Variants in USP46 observed in about 807,000 individuals in gnomAD.
The protein encoded by USP46 is ubiquitin carboxyl-terminal hydrolase 46.
A neutral mutation model predicts 44.4 loss-of-function variants in USP46; 12 were observed. The ratio of observed to expected loss-of-function variants is 0.27; its 90% CI spans 0.17 to 0.44. The LOEUF (loss-of-function observed/expected upper bound fraction) is 0.44, where lower values mean the gene tolerates loss of function less well. Ranked by LOEUF, USP46 falls within the 20% of genes least tolerant of loss-of-function variation. The pLI is 1.00. For synonymous variants in USP46, 155 were observed against 161.5 expected (o/e 0.96, Z 0.31); for missense variants, 248 against 444.8 (o/e 0.56, Z 3.98).
At position 52,656,500 on chromosome 4, in the gene USP46, A is replaced by G. The variant is rs566292842; in HGVS notation, c.36+2615T>C. 6.7e-5 allele frequency: 96 copies of G among 1,441,120 alleles called. No individual in the cohort carries two copies. The East Asian group carries it at 2.4e-3, about 35-fold the overall frequency. 89.3% of individuals were successfully genotyped at this position (1,441,120 alleles called of 1,614,324 possible). A position where few individuals can be genotyped will look rare whatever the true frequency, so the allele number is the denominator to read the frequency against. On this transcript the variant is annotated intron_variant, in intron 1 of 8. Coordinates refer to ENST00000441222, the MANE Select transcript of USP46 (RefSeq NM_022832.4). ...GATTCCCACTCCAGCCTTCCTATAC[A>G]TGGGAGGTGTTTATATTAGTGGTTG...
At chr4:52,597,999 C>T (rs953368500) in intron 8 of USP46, among the ~76,000 whole-genome samples, 39 of 152,162 alleles carry the variant, frequency 2.6e-4, no homozygotes, top group African/African-American at 9.2e-4. Context: ...GAAGAACAAG[C>T]CAAGACATCT....
intron 4 of USP46, among the ~76,000 whole-genome samples, chr4:52,613,721 CAAA>C (rs59351260): frequency 7.8e-5 from 6 of 77,060 alleles, no homozygotes; most frequent in Admixed American, 1.5e-4. Flanking sequence ...GACTCCATCT[CAAA>C]AAAAAAAAAA....
intron 1 of USP46, among the ~76,000 whole-genome samples, chr4:52,657,769 G>A (rs1719009723): frequency 6.6e-6 from 1 of 152,216 alleles, no homozygotes; most frequent in Non-Finnish European, 1.5e-5. Flanking sequence ...CAGTACCTGT[G>A]CAGCTATCAC....
chr4:52,657,174 C>T (rs1249573851), intron 1 of USP46, among the ~76,000 whole-genome samples: 1 of 151,984 alleles, frequency 6.6e-6, no homozygotes, highest in Non-Finnish European at 1.5e-5. Context: ...ATTACTGGTT[C>T]CTCACTTCAT....
intron 4 of USP46, among the ~76,000 whole-genome samples, chr4:52,611,216 A>G (rs957733254): frequency 6.6e-6 from 1 of 152,162 alleles, no homozygotes; most frequent in Non-Finnish European, 1.5e-5. Flanking sequence ...CAATGACCAG[A>G]CCTGGGGCTG....
intron 4 of USP46, among the ~76,000 whole-genome samples, chr4:52,611,981 G>A (rs1454358250): frequency 2.0e-5 from 3 of 152,140 alleles, no homozygotes; most frequent in Non-Finnish European, 4.4e-5. Context: ...ATATAAAGTC[G>A]ATGGCTTCAG....
At chr4:52,644,675 TC>T in intron 1 of USP46, among the ~76,000 whole-genome samples, 1 of 149,264 alleles carries the variant, frequency 6.7e-6, no homozygotes, top group East Asian at 2.0e-4. Flanking sequence ...AAAATTGTCT[TC>T]CACAAAACCT....
At chr4:52,635,545 A>G (rs1360480201) in intron 1 of USP46, among the ~76,000 whole-genome samples, 2 of 151,904 alleles carry the variant, frequency 1.3e-5, no homozygotes, top group Non-Finnish European at 2.9e-5. Context: ...CTGGCCTTCC[A>G]CTCAACAGAA....
At chr4:52,604,694 A>C in intron 5 of USP46, 110 bp from the exon 6 acceptor site, 1 of 724,520 alleles carries the variant, frequency 1.4e-6, no homozygotes, top group East Asian at 3.0e-5. Context: ...AAAATGGAAG[A>C]AGAAGTAATC....
chr4:52,597,346 T>A lies in USP46; in HGVS notation c.*294A>T. The A allele has an allele frequency of 3.4e-6, 1 of 292,464 alleles. No individual in the cohort carries two copies. 18.1% of individuals were successfully genotyped at this position (292,464 alleles called of 1,614,324 possible). ...ACATTCATAGGAAATGTCATTCTAA[T>A]ACAGCCAGACATAATGAATGGCATA... On this transcript the variant is annotated 3_prime_UTR_variant, in exon 9 of 9. Coordinates refer to ENST00000441222, the MANE Select transcript of USP46 (RefSeq NM_022832.4).
intron 4 of USP46, among the ~76,000 whole-genome samples, chr4:52,613,113 C>T (rs1442746848): frequency 6.6e-6 from 1 of 152,118 alleles, no homozygotes; most frequent in African/African-American, 2.4e-5. Context: ...CTGTACACAA[C>T]GAGTTCATGG....
chr4:52,631,004 G>C lies in USP46; in HGVS notation c.117+60C>G, dbSNP rs545216303. The C allele has an allele frequency of 2.9e-6, 4 of 1,393,650 alleles. No individual in the cohort carries two copies. The South Asian group carries it at 5.1e-5, about 18-fold the overall frequency. 86.3% of individuals were successfully genotyped at this position (1,393,650 alleles called of 1,614,324 possible). A position where few individuals can be genotyped will look rare whatever the true frequency, so the allele number is the denominator to read the frequency against. ...TGGTAGTGATAAAAATGCACTTAAA[G>C]TGGAGTTGCTTCATATACCCTAAAA... On this transcript the variant is annotated intron_variant, in intron 2 of 8. Transcript: ENST00000441222.
At chr4:52,641,628 T>G (rs1047140832) in intron 1 of USP46, among the ~76,000 whole-genome samples, 1 of 152,020 alleles carries the variant, frequency 6.6e-6, no homozygotes, top group Non-Finnish European at 1.5e-5. Context: ...GAAAAACCAA[T>G]GAGAACACTG....
At position 52,626,007 on chromosome 4, in the gene USP46, C is replaced by A; in HGVS notation, c.561+11G>T. The A allele has an allele frequency of 1.2e-6, 2 of 1,612,172 alleles. No homozygotes were observed. The highest frequency in any genetic ancestry group is 1.7e-6 in the Non-Finnish European group (2 of 1,178,982). ...ACATGCGAGCTACATAAGAGCTCCC[C>A]TAGTACTTACAGTTTCACAGTTCAA... On this transcript the variant is annotated intron_variant, in intron 4 of 8. Transcript: ENST00000441222.
intron 4 of USP46, among the ~76,000 whole-genome samples, chr4:52,613,748 G>T (rs1266297274): frequency 6.7e-6 from 1 of 148,346 alleles, no homozygotes; most frequent in East Asian, 2.0e-4. Flanking sequence ...GAAAAGAAAA[G>T]AAAACTAACA....
rs1717570755 is a variant in USP46 at position 52,626,012 on chromosome 4, A to G, written c.561+6T>C. 6.2e-7 allele frequency: 1 copy of G among 1,612,784 alleles called. No individual in the cohort carries two copies. Among genetic ancestry groups the G allele is most frequent in the Non-Finnish European group, 8.5e-7 (1 of 1,179,366 alleles). ...CGAGCTACATAAGAGCTCCCCTAGT[A>G]CTTACAGTTTCACAGTTCAAGCATC... is the stretch of plus-strand genomic sequence containing the variant. On this transcript the variant is annotated splice_donor_region_variant and intron_variant, in intron 4 of 8. Coordinates refer to ENST00000441222, the MANE Select transcript of USP46 (RefSeq NM_022832.4).
chr4:52,632,928 G>GAAAGAAAGAAAGA (rs1560405774), intron 1 of USP46, among the ~76,000 whole-genome samples: 1 of 51,866 alleles, frequency 1.9e-5, no homozygotes, highest in East Asian at 4.7e-4. Flanking sequence ...GAGAAAGAAA[G>GAAAGAAAGAAAGA]AAAGAAAGAA....
At chr4:52,631,401 A>G (rs1302951121) in intron 1 of USP46, among the ~76,000 whole-genome samples, 2 of 152,260 alleles carry the variant, frequency 1.3e-5, no homozygotes, top group Non-Finnish European at 2.9e-5. Context: ...TTAGAAAAGA[A>G]AGTTTGAGAC....
chr4:52,651,537 T>C (rs1718771716), intron 1 of USP46, among the ~76,000 whole-genome samples: 1 of 152,208 alleles, frequency 6.6e-6, no homozygotes, highest in Non-Finnish European at 1.5e-5. Flanking sequence ...GAATACTTTC[T>C]AAATATTTAA....
Sources: gnomAD v4.1 joint callset for allele counts (sites outside exome capture counted in the v4.1 genomes callset) on GRCh38, gnomAD v4.1.1 for gene constraint, MANE v1.5 for transcripts, NCBI Gene and HGNC (gene_info 2026-07-23, HGNC 2026-07-21) for gene names.